Variants in C1QL3 observed in about 807,000 individuals in gnomAD.
The protein encoded by C1QL3 is complement C1q-like protein 3.
In C1QL3, 4 loss-of-function variants were observed where a neutral mutation model predicts 16.6. The ratio of observed to expected loss-of-function variants is 0.24; its 90% confidence interval spans 0.12 to 0.55. The LOEUF is 0.55. Among genes scored for constraint, C1QL3 ranks in the 20% least tolerant of loss-of-function variants. The pLI is 0.94. For synonymous variants in C1QL3, 189 were observed against 160.2 expected, an observed-to-expected ratio of 1.18 and a Z score of -1.36; for missense variants, 269 against 365.6, an observed-to-expected ratio of 0.74 and a Z score of 2.16.
At chr10:16,516,208 A>T (rs1836949192) in intron 1 of C1QL3, among the ~76,000 whole-genome samples, 1 of 152,210 alleles carries the variant, frequency 6.6e-6, no homozygotes, top group Admixed American at 6.5e-5. Flanking sequence ...AAAGCAATAT[A>T]CCATGTAATT....
chr10:16,515,488 A>C (rs1222079547), intron 1 of C1QL3, among the ~76,000 whole-genome samples: 1 of 152,188 alleles, frequency 6.6e-6, no homozygotes, highest in East Asian at 1.9e-4. Flanking sequence ...CTCAAGTTTC[A>C]AGAATTTTTG....
Position 16,514,737 on chromosome 10 carries a change from G to A in C1QL3, c.589-30C>T, listed in dbSNP as rs764152601. The A allele has an allele frequency of 4.3e-5, 67 of 1,542,746 alleles. 1 individual carries two copies. The highest frequency in any genetic ancestry group is 3.5e-4 in the Middle Eastern group (2 of 5,788). On this transcript the variant is annotated intron_variant, in intron 1 of 1. Coordinates refer to ENST00000298943, the MANE Select transcript of C1QL3 (RefSeq NM_001010908.2). ...GTGAAACAGACAAGAATTAGGATGC[G>A]TAAATGAGAATTCTCAAGTTTTCTT...
In C1QL3 at chr10:16,520,447, C is replaced by CCCCCCCCA; in HGVS notation, c.588+30_588+31insTGGGGGGG. 8.4e-7 allele frequency: 1 copy of CCCCCCCCA among 1,193,092 alleles called. No individual in the cohort carries two copies. Among genetic ancestry groups the CCCCCCCCA allele is most frequent in the Non-Finnish European group, 1.2e-6 (1 of 840,098 alleles). The allele number at this position is 1,193,092 out of a possible 1,614,324, so 73.9% of individuals were successfully genotyped here. On this transcript the variant is annotated intron_variant, in intron 1 of 1. Coordinates refer to ENST00000298943, the MANE Select transcript of C1QL3 (RefSeq NM_001010908.2). This position sits in a 1 kb window ranked among gnomAD's most constrained non-coding sequence, Gnocchi z 8.3. ...CGCCCGCACCTTCCCGCGCTCCCTC[C>CCCCCCCCA]CCGCCCTCCCCGCCGCCCGCCCGCG...
chr10:16,518,094 G>C (rs1033411270), intron 1 of C1QL3, among the ~76,000 whole-genome samples: 3 of 152,272 alleles, frequency 2.0e-5, no homozygotes, highest in Admixed American at 2.0e-4. Flanking sequence ...GAAAAATTAA[G>C]TCAGCTCAGA....
rs747348420 is a variant in C1QL3 at position 16,520,448 on chromosome 10, C to A, written c.588+30G>T. On this transcript the variant is annotated intron_variant, in intron 1 of 1. Coordinates refer to ENST00000298943, the MANE Select transcript of C1QL3 (RefSeq NM_001010908.2). The surrounding 1 kb of genome is among the most constrained non-coding windows in gnomAD (Gnocchi z 8.3). Reference sequence around the variant, plus strand: ...GCCCGCACCTTCCCGCGCTCCCTCCCCGCCCTCCCCGCCGCCCGCCCGCGC... The same window carrying A: ...GCCCGCACCTTCCCGCGCTCCCTCCACGCCCTCCCCGCCGCCCGCCCGCGC... 8.2e-7 allele frequency: 1 copy of A among 1,215,094 alleles called. No individual in the cohort carries two copies. Among genetic ancestry groups the A allele is most frequent in the East Asian group, 2.8e-5 (1 of 35,838 alleles). The allele number at this position is 1,215,094 out of a possible 1,614,324, so 75.3% of individuals were successfully genotyped here. A position where few individuals can be genotyped will look rare whatever the true frequency, so the allele number is the denominator to read the frequency against.
chr10:16,520,410 T>G lies in C1QL3; in HGVS notation c.588+68A>C. ...CGGGCTCCCACCCCCATTTCCGGGG[T>G]CTCCTCCCTCTCGCCCGCACCTTCC... On this transcript the variant is annotated intron_variant, in intron 1 of 1. Transcript: ENST00000298943. The surrounding 1 kb of genome is among the most constrained non-coding windows in gnomAD (Gnocchi z 8.3). The G allele has an allele frequency of 2.8e-5, 33 of 1,195,290 alleles. No homozygotes were observed. Among genetic ancestry groups the G allele is most frequent in the South Asian group, 5.0e-5 (3 of 59,582 alleles). 74.0% of individuals were successfully genotyped at this position (1,195,290 alleles called of 1,614,324 possible). A position where few individuals can be genotyped will look rare whatever the true frequency, so the allele number is the denominator to read the frequency against.
intron 1 of C1QL3, among the ~76,000 whole-genome samples, chr10:16,516,733 G>A (rs1041390672): frequency 1.3e-5 from 2 of 152,108 alleles, no homozygotes; most frequent in Admixed American, 6.5e-5. Flanking sequence ...CCACAAAACC[G>A]AGTGAACGTC....
In C1QL3 at chr10:16,520,999, C is replaced by A. The variant is rs613731; in HGVS notation, c.67G>T (p.Glu23Ter). ...VSSAGTSAHY[E>*]MLGTCRMVCD... ...ACCATGCGGCAGGTGCCCAGCATCT[C>A]GTAGTGCGCCGACGTGCCGGCCGAG... is the stretch of plus-strand genomic sequence containing the variant. The change falls in exon 1 of 2, where the codon GAG becomes TAG. Residue 23 changes from glutamate to a stop codon, truncating the protein, a stop_gained. Transcript: ENST00000298943. LOFTEE classifies it high-confidence loss of function. This position sits in a 1 kb window ranked among gnomAD's most constrained non-coding sequence, Gnocchi z 8.3. 6.3e-7 allele frequency: 1 copy of A among 1,596,980 alleles called. No homozygotes were observed.
chr10:16,514,997 A>T (rs1836927411), intron 1 of C1QL3, among the ~76,000 whole-genome samples: 1 of 151,970 alleles, frequency 6.6e-6, no homozygotes, highest in Admixed American at 6.6e-5. Context: ...TTCCTGTATC[A>T]CTCGTTTTTC....
chr10:16,514,709 T>TAC lies in C1QL3; in HGVS notation c.589-3_589-2insGT. ...TTGGGCAATTGCACTAGCACGCACC[T>TAC]ATGTGAAACAGACAAGAATTAGGAT... is the stretch of plus-strand genomic sequence containing the variant. On this transcript the variant is annotated splice_region_variant and splice_polypyrimidine_tract_variant and intron_variant, in intron 1 of 1. Transcript: ENST00000298943. 1 of 1,604,566 alleles carries TAC rather than the reference T, an allele frequency of 6.2e-7. No homozygotes were observed. The highest frequency in any genetic ancestry group is 8.5e-7 in the Non-Finnish European group (1 of 1,175,974).
chr10:16,519,557 C>A (rs940391441), intron 1 of C1QL3, among the ~76,000 whole-genome samples: 1 of 152,124 alleles, frequency 6.6e-6, no homozygotes, highest in Non-Finnish European at 1.5e-5. Flanking sequence ...GCAATGACCT[C>A]GAATTTCTCC....
chr10:16,521,051 C>T lies in C1QL3; in HGVS notation c.15G>A (p.Leu5=). The change falls in exon 1 of 2, where the codon CTG becomes CTA. Residue 5 remains leucine, a synonymous_variant. Coordinates refer to ENST00000298943, the MANE Select transcript of C1QL3 (RefSeq NM_001010908.2). MVLL[L]VILIPVLVSS... ...TCACCAGCACCGGGATGAGGATCAC[C>T]AGCAGCAGCACCATCACCACCCCCA... The T allele has an allele frequency of 6.3e-7, 1 of 1,599,616 alleles. No homozygotes were observed. Among genetic ancestry groups the T allele is most frequent in the Non-Finnish European group, 8.5e-7 (1 of 1,178,122 alleles).
chr10:16,517,226 A>T (rs1466712859), intron 1 of C1QL3, among the ~76,000 whole-genome samples: 1 of 152,214 alleles, frequency 6.6e-6, no homozygotes, highest in Non-Finnish European at 1.5e-5. Context: ...TCTTATTACA[A>T]GATAACTATT....
chr10:16,518,536 C>T (rs6602131), intron 1 of C1QL3, among the ~76,000 whole-genome samples: 19,708 of 152,134 alleles, frequency 0.13, 1,705 homozygotes, highest in African/African-American at 0.23. Flanking sequence ...AAAAACAAAA[C>T]GCACATAGAA....
chr10:16,520,448 C>G lies in C1QL3; in HGVS notation c.588+30G>C, dbSNP rs747348420. Reference sequence around the variant, plus strand: ...GCCCGCACCTTCCCGCGCTCCCTCCCCGCCCTCCCCGCCGCCCGCCCGCGC... The same window carrying G: ...GCCCGCACCTTCCCGCGCTCCCTCCGCGCCCTCCCCGCCGCCCGCCCGCGC... On this transcript the variant is annotated intron_variant, in intron 1 of 1. Coordinates refer to ENST00000298943, the MANE Select transcript of C1QL3 (RefSeq NM_001010908.2). This position sits in a 1 kb window ranked among gnomAD's most constrained non-coding sequence, Gnocchi z 8.3. 2 of 1,214,990 alleles carry G rather than the reference C, an allele frequency of 1.6e-6. No individual in the cohort carries two copies. The highest frequency in any genetic ancestry group is 2.3e-6 in the Non-Finnish European group (2 of 859,414). 75.3% of individuals were successfully genotyped at this position (1,214,990 alleles called of 1,614,324 possible).
Position 16,514,384 on chromosome 10 carries a change from G to T in C1QL3, c.*144C>A. On this transcript the variant is annotated 3_prime_UTR_variant, in exon 2 of 2. Transcript: ENST00000298943. The stretch of plus-strand genomic sequence containing the variant: ...CATAATGTTTCTGAGTGATACAGAT[G>T]TGAGTCAGGTAGCATTTGATTTCCC... 3 of 651,252 alleles carry T rather than the reference G, an allele frequency of 4.6e-6. No homozygotes were observed. Among genetic ancestry groups the T allele is most frequent in the Non-Finnish European group, 8.1e-6 (3 of 369,848 alleles). The allele number at this position is 651,252 out of a possible 1,614,324, so 40.3% of individuals were successfully genotyped here. A position where few individuals can be genotyped will look rare whatever the true frequency, so the allele number is the denominator to read the frequency against.
chr10:16,514,628 G>T lies in C1QL3; in HGVS notation c.668C>A (p.Pro223Gln). 6.2e-7 allele frequency: 1 copy of T among 1,613,722 alleles called. No homozygotes were observed. The highest frequency in any genetic ancestry group is 1.1e-5 in the South Asian group (1 of 91,072). The change falls in exon 2 of 2, where the codon CCG becomes CAG. Residue 223 changes from proline to glutamine, a missense_variant. By Grantham distance (76) the Pro-to-Gln change is moderately conservative. This residue lies in a region of C1QL3 where 23 missense variants were observed against 68.4 expected (regional missense o/e 0.34). Transcript: ENST00000298943. ...TAATTTGATATAGACTTCATCTCCC[G>T]GCTCCAAATGAAGAACCACACTGTT... Reference protein sequence around the residue: ...ASNSVVLHLEPGDEVYIKLDG... With the variant: ...ASNSVVLHLEQGDEVYIKLDG...
intron 1 of C1QL3, among the ~76,000 whole-genome samples, chr10:16,515,224 GA>G (rs71952606): frequency 0.028 from 3,729 of 134,798 alleles, 143 homozygotes; most frequent in African/African-American, 0.09. Context: ...TACTTACAAA[GA>G]AAAAAAAAAA....
rs571205548 is a variant in C1QL3 at position 16,516,741 on chromosome 10, G to A, written c.589-2034C>T. On this transcript the variant is annotated intron_variant, in intron 1 of 1. Coordinates refer to ENST00000298943, the MANE Select transcript of C1QL3 (RefSeq NM_001010908.2). ...GGTGTAACCACAAAACCGAGTGAAC[G>A]TCACCATTTTTATTCAGTAGGCGTA... is the stretch of plus-strand genomic sequence containing the variant. Among the ~76,000 whole-genome samples, 3 of 152,114 alleles carry A rather than the reference G, an allele frequency of 2.0e-5. 1 individual carries two copies. The highest frequency in any genetic ancestry group is 6.5e-5 in the Admixed American group (1 of 15,270).
Sources: allele counts gnomAD v4.1 joint callset (sites outside exome capture counted in the v4.1 genomes callset), GRCh38; gene constraint gnomAD v4.1.1; regional missense constraint gnomAD v4.1.1; non-coding constraint Gnocchi (gnomAD v3.1); transcripts MANE v1.5; gene names NCBI Gene and HGNC (gene_info 2026-07-23, HGNC 2026-07-21).